The following CCDC170 variants were observed in gnomAD, a reference collection of about 807,000 sequenced individuals.
CCDC170 encodes the protein coiled-coil domain containing 170.
CCDC170 carries 69 observed loss-of-function variants against 72.6 expected under a neutral mutation model. The ratio of observed to expected loss-of-function variants is 0.95; its 90% CI spans 0.78 to 1.16. The LOEUF is 1.16. Among genes scored for constraint, CCDC170 ranks in the 50% most tolerant of loss-of-function variants. The pLI is 0.00. For synonymous variants in CCDC170, 300 were observed against 303.9 expected, an observed-to-expected ratio of 0.99 and a Z score of 0.13; for missense variants, 852 against 832.5, an observed-to-expected ratio of 1.02 and a Z score of -0.29.
chr6:151,525,076 G>T (rs1253241670), intron 1 of CCDC170, among the ~76,000 whole-genome samples: 1 of 151,844 alleles, frequency 6.6e-6, no homozygotes, highest in Non-Finnish European at 1.5e-5. Flanking sequence ...GGGACTATAG[G>T]TGCCCGCCAC....
intron 1 of CCDC170, among the ~76,000 whole-genome samples, chr6:151,523,318 T>A (rs183533795): frequency 6.6e-6 from 1 of 152,170 alleles, no homozygotes; most frequent in East Asian, 1.9e-4. Context: ...TCACAGAAGC[T>A]ATTTAATTTT....
chr6:151,549,720 C>T (rs2115060211), intron 5 of CCDC170, among the ~76,000 whole-genome samples: 1 of 152,302 alleles, frequency 6.6e-6, no homozygotes, highest in South Asian at 2.1e-4. Context: ...AGCCATTGAG[C>T]CCTGCCCCAG....
At chr6:151,499,884 T>C (rs1029536038) in intron 1 of CCDC170, among the ~76,000 whole-genome samples, 1 of 152,242 alleles carries the variant, frequency 6.6e-6, no homozygotes, top group African/African-American at 2.4e-5. Context: ...TTTTGGCTGT[T>C]GTAAATAATG....
At chr6:151,522,327 T>G (rs773216029) in intron 1 of CCDC170, among the ~76,000 whole-genome samples, 10 of 152,244 alleles carry the variant, frequency 6.6e-5, no homozygotes, top group Admixed American at 2.0e-4. Context: ...TTGTTAGATA[T>G]GAGTTCTCAA....
chr6:151,570,670 C>T (rs575896379), intron 5 of CCDC170, among the ~76,000 whole-genome samples: 86 of 152,274 alleles, frequency 5.6e-4, no homozygotes, highest in African/African-American at 1.9e-3. Context: ...TACCAAGGAA[C>T]GACCGTAGTT....
chr6:151,525,655 C>T (rs1475312769), intron 1 of CCDC170, among the ~76,000 whole-genome samples: 2 of 152,226 alleles, frequency 1.3e-5, no homozygotes, highest in African/African-American at 2.4e-5. Flanking sequence ...AATCCCACCA[C>T]CCTTTGCTGA....
At chr6:151,553,006 C>T (rs1231169856) in intron 5 of CCDC170, among the ~76,000 whole-genome samples, 11 of 151,852 alleles carry the variant, frequency 7.2e-5, no homozygotes, top group South Asian at 6.3e-4. Flanking sequence ...AGGCTGGTCT[C>T]GAACTCCTGA....
At chr6:151,562,294 T>G (rs1198315037) in intron 5 of CCDC170, among the ~76,000 whole-genome samples, 2 of 152,184 alleles carry the variant, frequency 1.3e-5, no homozygotes, top group Non-Finnish European at 2.9e-5. Flanking sequence ...CACTCTGGCT[T>G]TTTGTACTGC....
At chr6:151,595,690 A>C (rs1776610707) in intron 8 of CCDC170, among the ~76,000 whole-genome samples, 1 of 152,098 alleles carries the variant, frequency 6.6e-6, no homozygotes, top group Non-Finnish European at 1.5e-5. Flanking sequence ...GGTGGCATGC[A>C]TCACAAGTCC....
intron 6 of CCDC170, among the ~76,000 whole-genome samples, chr6:151,584,201 G>A (rs1167946818): frequency 1.3e-5 from 2 of 152,216 alleles, no homozygotes; most frequent in Admixed American, 6.5e-5. Context: ...AGTGAGATGT[G>A]CCTGTAGTTA....
chr6:151,513,649 G>A (rs1463707601), intron 1 of CCDC170, among the ~76,000 whole-genome samples: 13 of 146,538 alleles, frequency 8.9e-5, no homozygotes, highest in African/African-American at 2.8e-4. Context: ...CAGGCACCAT[G>A]GCTCATGCCT....
chr6:151,617,861 A>G (rs1776994081), intron 10 of CCDC170, 86 bp from the exon 11 acceptor site: 1 of 1,327,102 alleles, frequency 7.5e-7, no homozygotes, highest in Non-Finnish European at 1.0e-6. Flanking sequence ...TGGGTTTTCT[A>G]CAGGTTTTTT....
intron 10 of CCDC170, among the ~76,000 whole-genome samples, chr6:151,617,502 C>T (rs1177672486): frequency 7.0e-6 from 1 of 143,362 alleles, no homozygotes; most frequent in African/African-American, 2.6e-5. Flanking sequence ...TGTTTACCAT[C>T]CATGGGCACA....
intron 6 of CCDC170, among the ~76,000 whole-genome samples, chr6:151,580,496 C>A (rs1026851037): frequency 2.0e-5 from 3 of 151,904 alleles, no homozygotes; most frequent in Admixed American, 6.6e-5. Context: ...GTTATACTTA[C>A]TAATATAGCT....
At chr6:151,594,133 A>G (rs978255701) in intron 8 of CCDC170, among the ~76,000 whole-genome samples, 3 of 152,236 alleles carry the variant, frequency 2.0e-5, no homozygotes, top group African/African-American at 7.2e-5. Flanking sequence ...TTACATAATT[A>G]TTGGTATTGG....
chr6:151,524,448 A>T (rs1306031854), intron 1 of CCDC170, among the ~76,000 whole-genome samples: 1 of 152,248 alleles, frequency 6.6e-6, no homozygotes, highest in African/African-American at 2.4e-5. Flanking sequence ...ATTCATGAAC[A>T]TGGAATTCAC....
chr6:151,567,986 C>T (rs1245550358), intron 5 of CCDC170, among the ~76,000 whole-genome samples: 1 of 20,324 alleles, frequency 4.9e-5, no homozygotes, highest in Non-Finnish European at 7.4e-5. Flanking sequence ...TGGCACGCAC[C>T]TGTACCCCAG....
At chr6:151,510,678 TAGAA>T in intron 1 of CCDC170, among the ~76,000 whole-genome samples, 1 of 152,250 alleles carries the variant, frequency 6.6e-6, no homozygotes, top group East Asian at 1.9e-4. Flanking sequence ...GTAAATTAGA[TAGAA>T]AGGGACTTTC....
intron 1 of CCDC170, among the ~76,000 whole-genome samples, chr6:151,495,850 G>A (rs1485640520): frequency 6.6e-6 from 1 of 152,088 alleles, no homozygotes; most frequent in African/African-American, 2.4e-5. Flanking sequence ...ATGAATAAGG[G>A]CATTCTCTAA....
Sources: gnomAD v4.1 joint callset for allele counts (sites outside exome capture counted in the v4.1 genomes callset) on GRCh38, gnomAD v4.1.1 for gene constraint, MANE v1.5 for transcripts, NCBI Gene and HGNC (gene_info 2026-07-23, HGNC 2026-07-21) for gene names.